PXDNL: variants seen among roughly 807,000 people sequenced by gnomAD.
PXDNL encodes the protein probable oxidoreductase PXDNL.
Under a neutral mutation model 150.8 loss-of-function variants are expected in PXDNL, and 145 were observed. The observed-to-expected ratio is 0.96, with a 90% CI of 0.84 to 1.10. PXDNL has a LOEUF of 1.10. PXDNL is among the 50% of genes least tolerant of loss of function. PXDNL has a pLI of 0.00. For synonymous variants in PXDNL, 757 were observed against 725.7 expected, an observed-to-expected ratio of 1.04 and a Z score of -0.69; for missense variants, 2,087 against 1,873.9, an observed-to-expected ratio of 1.11 and a Z score of -2.10.
chr8:51,522,871 C>CA (rs1157600485), intron 4 of PXDNL, among the ~76,000 whole-genome samples: 1 of 149,208 alleles, frequency 6.7e-6, no homozygotes, highest in Non-Finnish European at 1.5e-5. Flanking sequence ...AAAAAACAAA[C>CA]AAACAAAAAA....
chr8:51,453,971 G>T (rs1809870299), intron 9 of PXDNL, among the ~76,000 whole-genome samples, 186 bp from the exon 10 acceptor site: 4 of 152,058 alleles, frequency 2.6e-5, no homozygotes, highest in Admixed American at 1.3e-4. Context: ...ATGTGGATTT[G>T]CTGTAAGTAC....
chr8:51,331,247 A>G (rs573260257), intron 21 of PXDNL, among the ~76,000 whole-genome samples: 1 of 152,252 alleles, frequency 6.6e-6, no homozygotes, highest in Admixed American at 6.5e-5. Flanking sequence ...GATGTTCCCG[A>G]CTTTACCTGG....
At chr8:51,508,501 G>A (rs921428610) in intron 4 of PXDNL, among the ~76,000 whole-genome samples, 6 of 152,128 alleles carry the variant, frequency 3.9e-5, no homozygotes, top group Non-Finnish European at 7.4e-5. Context: ...CTGGCTTCCA[G>A]GATGCCATCC....
At chr8:51,348,672 G>A (rs1368863064) in intron 19 of PXDNL, among the ~76,000 whole-genome samples, 1 of 152,052 alleles carries the variant, frequency 6.6e-6, no homozygotes, top group Non-Finnish European at 1.5e-5. Context: ...ATGTGCATGT[G>A]TATATATACA....
chr8:51,336,509 GC>G (rs1307762787), intron 21 of PXDNL, among the ~76,000 whole-genome samples: 1 of 152,102 alleles, frequency 6.6e-6, no homozygotes, highest in African/African-American at 2.4e-5. Context: ...AGGGCTTGTC[GC>G]ATCTCAAAAG....
intron 1 of PXDNL, among the ~76,000 whole-genome samples, chr8:51,680,340 G>T (rs929470917): frequency 1.2e-4 from 18 of 152,078 alleles, no homozygotes; most frequent in African/African-American, 1.2e-4. Flanking sequence ...CTCTTTGCTT[G>T]GCTCTTTCTT....
chr8:51,329,609 G>T (rs1432570298), intron 21 of PXDNL, among the ~76,000 whole-genome samples: 2 of 152,100 alleles, frequency 1.3e-5, no homozygotes, highest in African/African-American at 4.8e-5. Flanking sequence ...AAATAACTAT[G>T]ATTAATACAT....
At chr8:51,713,080 T>C (rs1321678534) in intron 1 of PXDNL, among the ~76,000 whole-genome samples, 2 of 152,244 alleles carry the variant, frequency 1.3e-5, no homozygotes, top group Non-Finnish European at 2.9e-5. Flanking sequence ...AAACTAGTAT[T>C]TGGAGTTTAA....
chr8:51,670,088 T>G (rs1563501686), intron 1 of PXDNL, among the ~76,000 whole-genome samples: 1 of 151,916 alleles, frequency 6.6e-6, no homozygotes, highest in African/African-American at 2.4e-5. Flanking sequence ...AATACAAAAA[T>G]ATAGCCGGTT....
chr8:51,443,199 T>G (rs574909588), intron 12 of PXDNL, among the ~76,000 whole-genome samples: 7 of 152,320 alleles, frequency 4.6e-5, no homozygotes, highest in African/African-American at 1.7e-4. Flanking sequence ...TATTCATTGC[T>G]TACAAATATT....
At chr8:51,410,083 T>C (rs963033860) in intron 16 of PXDNL, among the ~76,000 whole-genome samples, 1 of 152,232 alleles carries the variant, frequency 6.6e-6, no homozygotes, top group African/African-American at 2.4e-5. Flanking sequence ...TCAAGTTTTG[T>C]GCTTCTAGAG....
chr8:51,622,930 T>C (rs554470990), intron 2 of PXDNL, among the ~76,000 whole-genome samples: 1 of 152,300 alleles, frequency 6.6e-6, no homozygotes, highest in African/African-American at 2.4e-5. Context: ...GCTAAGCAGC[T>C]TAGCAGATTC....
rs1809401148 is a variant in PXDNL at position 51,436,114 on chromosome 8, G to T, written c.1526-9356C>A. Reference sequence around the variant, plus strand: ...TTCTTGCCCCTTTTGTCTTGACCCAGCTTTTGATGAATTACTACATTATGC... The same window carrying T: ...TTCTTGCCCCTTTTGTCTTGACCCATCTTTTGATGAATTACTACATTATGC... On this transcript the variant is annotated intron_variant, in intron 12 of 22. Transcript: ENST00000356297. The T allele has an allele frequency of 5.8e-6, 3 of 514,770 alleles. No homozygotes were observed. In the Admixed American group the frequency reaches 6.3e-5, roughly 11 times the overall value. 31.9% of individuals were successfully genotyped at this position (514,770 alleles called of 1,614,324 possible).
intron 10 of PXDNL, among the ~76,000 whole-genome samples, chr8:51,453,066 C>T (rs1809845993): frequency 6.6e-6 from 1 of 152,070 alleles, no homozygotes; most frequent in Non-Finnish European, 1.5e-5. Flanking sequence ...AAATTAATTT[C>T]TGGATTCAGA....
intron 2 of PXDNL, among the ~76,000 whole-genome samples, chr8:51,619,245 A>C: frequency 6.6e-6 from 1 of 152,204 alleles, no homozygotes; most frequent in East Asian, 1.9e-4. Flanking sequence ...GCAATAAACC[A>C]TAAAAATATT....
At chr8:51,562,764 G>A (rs1378718328) in intron 3 of PXDNL, among the ~76,000 whole-genome samples, 2 of 151,922 alleles carry the variant, frequency 1.3e-5, no homozygotes, top group Non-Finnish European at 2.9e-5. Flanking sequence ...TCACAGATAG[G>A]TTTCTAACCT....
At chr8:51,377,099 A>G (rs1034786138) in intron 17 of PXDNL, among the ~76,000 whole-genome samples, 1 of 74,820 alleles carries the variant, frequency 1.3e-5, no homozygotes, top group African/African-American at 4.3e-5. Context: ...GTGGCACTCT[A>G]CCCTTTACAC....
At chr8:51,536,112 C>T (rs56921525) in intron 4 of PXDNL, among the ~76,000 whole-genome samples, 2,900 of 152,346 alleles carry the variant, frequency 0.019, 35 homozygotes, top group African/African-American at 0.034. Context: ...GGGCTACACC[C>T]TCTCGGGACC....
intron 2 of PXDNL, among the ~76,000 whole-genome samples, chr8:51,604,593 T>C (rs1026093776): frequency 2.0e-5 from 3 of 152,152 alleles, no homozygotes; most frequent in Admixed American, 6.6e-5. Flanking sequence ...GGCACATGTA[T>C]ATATATGTAA....
Sources: allele counts gnomAD v4.1 joint callset (sites outside exome capture counted in the v4.1 genomes callset), GRCh38; gene constraint gnomAD v4.1.1; transcripts MANE v1.5; gene names NCBI Gene and HGNC (gene_info 2026-07-23, HGNC 2026-07-21).